Variants in SATB2 observed in about 807,000 individuals in gnomAD.
The protein encoded by SATB2 is SATB homeobox 2.
SATB2 carries 1 observed loss-of-function variant against 73.4 expected under a neutral mutation model. That is an observed-to-expected ratio of 0.01 (90% CI 0.00 to 0.06). The LOEUF is 0.06. Ranked by LOEUF, SATB2 falls within the 10% of genes least tolerant of loss-of-function variation. SATB2 has a pLI of 1.00. For missense variants in SATB2, 459 were observed against 945.8 expected, an observed-to-expected ratio of 0.49 and a Z score of 6.75; for synonymous variants, 397 against 367.0, an observed-to-expected ratio of 1.08 and a Z score of -0.93.
chr2:199,424,872 C>T (rs1434593699), intron 3 of SATB2, among the ~76,000 whole-genome samples: 2 of 152,154 alleles, frequency 1.3e-5, no homozygotes, highest in African/African-American at 4.8e-5. Flanking sequence ...TATCAATGGA[C>T]AAGTTTAAAT....
intron 3 of SATB2, among the ~76,000 whole-genome samples, chr2:199,431,975 AAAGC>A (rs1194176450): frequency 6.6e-6 from 1 of 152,230 alleles, no homozygotes; most frequent in African/African-American, 2.4e-5. Context: ...GCATGACATA[AAAGC>A]AATGGTGCCC....
rs1692528994 is a variant in SATB2, at chr2:199,463,613, G to T, written c.-141+1223C>A. 6.6e-6 allele frequency among the ~76,000 whole-genome samples: 1 copy of T among 152,170 alleles called. No individual in the cohort carries two copies. Among genetic ancestry groups the T allele is most frequent in the African/African-American group, 2.4e-5 (1 of 41,454 alleles). The stretch of plus-strand genomic sequence containing the variant: ...CGAAACCTTCGGCGCCGGCTCTGCC[G>T]GTCGCGTCCCGGAGCCAACCCTTCC... On this transcript the variant is annotated intron_variant, in intron 1 of 11. Transcript: ENST00000260926. This position sits in a 1 kb window ranked among gnomAD's most constrained non-coding sequence, Gnocchi z 6.4.
At chr2:199,442,281 A>T (rs971213275) in intron 2 of SATB2, among the ~76,000 whole-genome samples, 1 of 152,342 alleles carries the variant, frequency 6.6e-6, no homozygotes, top group East Asian at 1.9e-4. Context: ...GAAATGATCC[A>T]CATAAGTGGA....
intron 9 of SATB2, among the ~76,000 whole-genome samples, chr2:199,313,549 C>CT (rs1687650634): frequency 6.6e-6 from 1 of 152,136 alleles, no homozygotes; most frequent in African/African-American, 2.4e-5. Context: ...GAAAAAACAA[C>CT]TCTGACTGCC....
At chr2:199,349,287 T>C in intron 6 of SATB2, 114 bp from the exon 7 acceptor site, 2 of 815,916 alleles carry the variant, frequency 2.5e-6, no homozygotes, top group South Asian at 1.6e-5. Context: ...TAAACATTTT[T>C]TCATACAACG....
At chr2:199,430,364 A>C (rs578181388) in intron 3 of SATB2, among the ~76,000 whole-genome samples, 12 of 152,312 alleles carry the variant, frequency 7.9e-5, no homozygotes, top group African/African-American at 2.9e-4. Flanking sequence ...CTTGCCATTC[A>C]TTAGACCTCA....
intron 3 of SATB2, among the ~76,000 whole-genome samples, chr2:199,417,927 C>T (rs2105910619): frequency 6.6e-6 from 1 of 152,272 alleles, no homozygotes; most frequent in Non-Finnish European, 1.5e-5. Flanking sequence ...TCTACCTATA[C>T]CTTAAGAAAA....
intron 10 of SATB2, among the ~76,000 whole-genome samples, chr2:199,278,031 A>C (rs1692369319): frequency 6.6e-6 from 1 of 152,186 alleles, no homozygotes; most frequent in Admixed American, 6.5e-5. Flanking sequence ...TTTAGAGTAG[A>C]GGAGATAGAT....
chr2:199,296,045 C>A (rs1218196209), intron 10 of SATB2, among the ~76,000 whole-genome samples: 2 of 152,146 alleles, frequency 1.3e-5, no homozygotes, highest in African/African-American at 4.8e-5. Context: ...TAAACAGAAA[C>A]AGCTGAGAAG....
intron 3 of SATB2, among the ~76,000 whole-genome samples, chr2:199,392,646 G>A (rs1228997775): frequency 6.6e-6 from 1 of 152,072 alleles, no homozygotes. Context: ...CCCAGATCTT[G>A]GATCTGCCCT....
intron 1 of SATB2, among the ~76,000 whole-genome samples, chr2:199,456,981 G>GA (rs1692299245): frequency 6.7e-6 from 1 of 149,648 alleles, no homozygotes; most frequent in Non-Finnish European, 1.5e-5. Context: ...GGGGTGGGGG[G>GA]GGGCGGGGAA....
At chr2:199,306,654 T>C (rs1687441947) in intron 10 of SATB2, among the ~76,000 whole-genome samples, 1 of 152,180 alleles carries the variant, frequency 6.6e-6, no homozygotes, top group Admixed American at 6.5e-5. Context: ...ATAAAACTCA[T>C]AAATCAATTG....
intron 6 of SATB2, among the ~76,000 whole-genome samples, chr2:199,354,788 C>T (rs7557738): frequency 0.15 from 22,123 of 152,106 alleles, 1,975 homozygotes; most frequent in South Asian, 0.32. Context: ...TCCAACCACC[C>T]TCTAAACTTC....
At chr2:199,303,614 T>C (rs1559151258) in intron 10 of SATB2, among the ~76,000 whole-genome samples, 2 of 152,198 alleles carry the variant, frequency 1.3e-5, no homozygotes, top group South Asian at 2.1e-4. Flanking sequence ...CTCTGACCTC[T>C]ATCCACTAGA....
chr2:199,339,232 T>C (rs1450057307), intron 7 of SATB2, among the ~76,000 whole-genome samples: 2 of 152,110 alleles, frequency 1.3e-5, no homozygotes, highest in Admixed American at 6.6e-5. Flanking sequence ...TAACAACAGA[T>C]AGTCTTATAT....
intron 10 of SATB2, among the ~76,000 whole-genome samples, chr2:199,302,261 A>C (rs931032428): frequency 1.3e-5 from 2 of 152,192 alleles, no homozygotes; most frequent in African/African-American, 4.8e-5. Flanking sequence ...TGTTCAGTAC[A>C]CTTTGGAAGA....
At chr2:199,309,041 A>G in intron 9 of SATB2, 84 bp from the exon 10 acceptor site, 1 of 1,098,930 alleles carries the variant, frequency 9.1e-7, no homozygotes, top group Non-Finnish European at 1.4e-6. Context: ...GTGCCATCAC[A>G]GTACATCTTT....
intron 10 of SATB2, among the ~76,000 whole-genome samples, chr2:199,276,413 T>C (rs1001871290): frequency 1.3e-5 from 2 of 152,224 alleles, no homozygotes; most frequent in African/African-American, 4.8e-5. Context: ...CTAAATTCCC[T>C]GTTAGTGAAC....
At chr2:199,358,452 A>G (rs775837225) in intron 6 of SATB2, among the ~76,000 whole-genome samples, 14 of 152,278 alleles carry the variant, frequency 9.2e-5, no homozygotes, top group Non-Finnish European at 1.5e-4. Flanking sequence ...TGAGCTTGAA[A>G]GAGCTGAAGA....
Sources: allele counts gnomAD v4.1 joint callset (sites outside exome capture counted in the v4.1 genomes callset), GRCh38; gene constraint gnomAD v4.1.1; non-coding constraint Gnocchi (gnomAD v3.1); transcripts MANE v1.5; gene names NCBI Gene and HGNC (gene_info 2026-07-23, HGNC 2026-07-21).